The following RIT2 variants were observed in gnomAD, a reference collection of about 807,000 sequenced individuals.
The protein encoded by RIT2 is Ras like without CAAX 2.
Under a neutral mutation model 23.7 loss-of-function variants are expected in RIT2, and 24 were observed. That is an observed-to-expected ratio of 1.01 (90% CI 0.73 to 1.43). The LOEUF is 1.43. Ranked by LOEUF, RIT2 falls within the 40% of genes most tolerant of loss-of-function variation. The pLI is 0.00. For synonymous variants in RIT2, 107 were observed against 91.1 expected, an observed-to-expected ratio of 1.17 and a Z score of -0.99; for missense variants, 236 against 266.9, an observed-to-expected ratio of 0.88 and a Z score of 0.81.
chr18:43,027,592 G>A (rs1911763496), intron 2 of RIT2, among the ~76,000 whole-genome samples: 1 of 151,936 alleles, frequency 6.6e-6, no homozygotes, highest in Non-Finnish European at 1.5e-5. Context: ...TCTTCTAGAT[G>A]TTTCCATTGT....
chr18:43,059,845 TA>T (rs1159607764), intron 1 of RIT2, among the ~76,000 whole-genome samples: 1 of 152,082 alleles, frequency 6.6e-6, no homozygotes, highest in Non-Finnish European at 1.5e-5. Flanking sequence ...TTAACATGCT[TA>T]TGGATCAATT....
chr18:43,080,020 A>C (rs1913117645), intron 1 of RIT2, among the ~76,000 whole-genome samples: 1 of 152,208 alleles, frequency 6.6e-6, no homozygotes, highest in African/African-American at 2.4e-5. Context: ...TTTTGTATTC[A>C]AAAAGTAATT....
intron 4 of RIT2, among the ~76,000 whole-genome samples, chr18:42,892,024 T>C (rs1266770597): frequency 1.3e-5 from 2 of 151,980 alleles, no homozygotes; most frequent in South Asian, 2.1e-4. Context: ...GTATTTTCTT[T>C]TCAATTTCTC....
intron 1 of RIT2, among the ~76,000 whole-genome samples, chr18:43,093,080 T>C (rs1352352889): frequency 6.6e-6 from 1 of 152,116 alleles, no homozygotes; most frequent in Non-Finnish European, 1.5e-5. Flanking sequence ...ACTCATTTTA[T>C]TAGCATTGAG....
At chr18:42,777,638 A>G (rs1328114480) in intron 4 of RIT2, among the ~76,000 whole-genome samples, 1 of 152,178 alleles carries the variant, frequency 6.6e-6, no homozygotes, top group Non-Finnish European at 1.5e-5. Flanking sequence ...ACATATTGTC[A>G]TTTAGATCCA....
At chr18:42,965,711 C>CTGTTTT (rs1731885941) in intron 3 of RIT2, among the ~76,000 whole-genome samples, 1 of 37,770 alleles carries the variant, frequency 2.6e-5, no homozygotes, top group Non-Finnish European at 5.3e-5. Flanking sequence ...GTACTGATGG[C>CTGTTTT]TTTTTTTTTT....
At chr18:42,804,617 A>C (rs968248700) in intron 4 of RIT2, among the ~76,000 whole-genome samples, 77 of 151,624 alleles carry the variant, frequency 5.1e-4, no homozygotes, top group African/African-American at 1.8e-3. Context: ...AGATAAATGC[A>C]TTCTAGGTAT....
intron 2 of RIT2, among the ~76,000 whole-genome samples, chr18:43,011,961 A>G (rs1202106043): frequency 6.6e-6 from 1 of 151,880 alleles, no homozygotes; most frequent in East Asian, 1.9e-4. Flanking sequence ...TGAATATGGT[A>G]AGATATTTAA....
chr18:42,753,382 A>AC (rs1913090946), intron 4 of RIT2, among the ~76,000 whole-genome samples: 1 of 152,182 alleles, frequency 6.6e-6, no homozygotes, highest in Non-Finnish European at 1.5e-5. Flanking sequence ...AAACTCTGAC[A>AC]CTGCTTTGCT....
rs1030738046 is a variant in RIT2, at chr18:42,949,319, T to C, written c.234+24755A>G. ...GAGAGGCTTCCTAAAAGAAATTTAT[T>C]TGGGAATAGGGCATTGCAATGGACA... On this transcript the variant is annotated intron_variant, in intron 3 of 4. Transcript: ENST00000326695. Among the ~76,000 whole-genome samples the C allele has an allele frequency of 3.3e-5, 5 of 152,172 alleles. No individual in the cohort carries two copies. The South Asian group carries it at 8.3e-4, about 25-fold the overall frequency.
intron 4 of RIT2, among the ~76,000 whole-genome samples, chr18:42,744,113 G>A (rs1567985620): frequency 6.6e-6 from 1 of 151,744 alleles, no homozygotes; most frequent in Non-Finnish European, 1.5e-5. Flanking sequence ...CCCCACTCCT[G>A]TCTGCCAGAG....
At chr18:42,968,216 G>T (rs1160294767) in intron 3 of RIT2, among the ~76,000 whole-genome samples, 2 of 152,148 alleles carry the variant, frequency 1.3e-5, no homozygotes, top group African/African-American at 4.8e-5. Flanking sequence ...GCCATGTACA[G>T]TACAGAGCCA....
chr18:43,071,441 A>G (rs1373056731), intron 1 of RIT2, among the ~76,000 whole-genome samples: 1 of 152,154 alleles, frequency 6.6e-6, no homozygotes, highest in African/African-American at 2.4e-5. Flanking sequence ...CTAGCTAACA[A>G]TTGGAGGATA....
chr18:43,027,198 T>C (rs1295231983), intron 2 of RIT2, among the ~76,000 whole-genome samples: 2 of 151,830 alleles, frequency 1.3e-5, no homozygotes, highest in East Asian at 3.9e-4. Context: ...ATGGCTAGAG[T>C]TGATTGAATA....
chr18:42,835,175 T>C (rs868571670), intron 4 of RIT2, among the ~76,000 whole-genome samples: 3 of 152,170 alleles, frequency 2.0e-5, no homozygotes, highest in Non-Finnish European at 4.4e-5. Flanking sequence ...ATGAGGACTA[T>C]AGTTAATAAT....
At chr18:42,892,274 C>T (rs765477255) in intron 4 of RIT2, among the ~76,000 whole-genome samples, 3 of 152,074 alleles carry the variant, frequency 2.0e-5, no homozygotes, top group Non-Finnish European at 2.9e-5. Flanking sequence ...TATGTGTAGG[C>T]CCCATTTTTC....
intron 1 of RIT2, among the ~76,000 whole-genome samples, chr18:43,065,843 G>A (rs1413748309): frequency 6.6e-6 from 1 of 152,130 alleles, no homozygotes; most frequent in Non-Finnish European, 1.5e-5. Context: ...GAAGTGGTAG[G>A]TGGAAAACTT....
At chr18:43,094,474 A>G (rs990889448) in intron 1 of RIT2, among the ~76,000 whole-genome samples, 4 of 151,958 alleles carry the variant, frequency 2.6e-5, no homozygotes, top group African/African-American at 9.7e-5. Context: ...TTGACATTAG[A>G]AGGGTTAAAA....
chr18:42,930,943 G>T (rs1004684691), intron 3 of RIT2, among the ~76,000 whole-genome samples: 1 of 152,098 alleles, frequency 6.6e-6, no homozygotes, highest in Non-Finnish European at 1.5e-5. Context: ...TTTTAAAGGA[G>T]ATTTTATAAA....
Sources: gnomAD v4.1 joint callset for allele counts (sites outside exome capture counted in the v4.1 genomes callset) on GRCh38, gnomAD v4.1.1 for gene constraint, MANE v1.5 for transcripts, NCBI Gene and HGNC (gene_info 2026-07-23, HGNC 2026-07-21) for gene names.